Variants in INPP4B observed in about 807,000 individuals in gnomAD.
INPP4B encodes the protein inositol polyphosphate 4-phosphatase type II.
Under a neutral mutation model 122.5 loss-of-function variants are expected in INPP4B, and 55 were observed. The ratio of observed to expected loss-of-function variants is 0.45; its 90% CI spans 0.36 to 0.56. The LOEUF (loss-of-function observed/expected upper bound fraction) is 0.56, where lower values mean the gene tolerates loss of function less well. Ranked by LOEUF, INPP4B falls within the 20% of genes least tolerant of loss-of-function variation. INPP4B has a pLI of 0.00. For missense variants in INPP4B, 1,000 were observed against 1,097.7 expected (o/e 0.91, Z 1.26); for synonymous variants, 403 against 388.7 (o/e 1.04, Z -0.43).
intron 2 of INPP4B, among the ~76,000 whole-genome samples, chr4:142,514,755 A>G (rs989189873): frequency 6.7e-6 from 1 of 149,346 alleles, no homozygotes; most frequent in African/African-American, 2.5e-5. Context: ...TGAGAAAGAG[A>G]GGTATACACT....
At chr4:142,403,165 G>A (rs1802206282) in intron 6 of INPP4B, 111 bp from the exon 7 acceptor site, 1 of 709,376 alleles carries the variant, frequency 1.4e-6, no homozygotes, top group South Asian at 1.6e-5. Context: ...GTTTTTCAAG[G>A]AAATAGTTCT....
intron 3 of INPP4B, 124 bp downstream of exon 3, chr4:142,462,539 T>C (rs1332905862): frequency 2.0e-5 from 3 of 152,226 alleles, no homozygotes; most frequent in African/African-American, 4.8e-5. Flanking sequence ...TAACATGCAG[T>C]CACACATATG....
intron 7 of INPP4B, chr4:142,384,261 T>C: frequency 1.6e-6 from 1 of 627,888 alleles, no homozygotes; most frequent in Non-Finnish European, 2.9e-6. Flanking sequence ...ACAACTTCAC[T>C]AAATTACATT....
chr4:142,773,252 G>A (rs1410828052), intron 1 of INPP4B, among the ~76,000 whole-genome samples: 4 of 152,040 alleles, frequency 2.6e-5, no homozygotes, highest in Non-Finnish European at 4.4e-5. Flanking sequence ...TAGAACTCTA[G>A]TGTGGCACAA....
intron 1 of INPP4B, among the ~76,000 whole-genome samples, chr4:142,823,387 C>T (rs561105920): frequency 2.0e-5 from 3 of 152,162 alleles, no homozygotes; most frequent in South Asian, 4.2e-4. Context: ...ACTTCCAAAG[C>T]ATCTGAAATA....
chr4:142,309,926 A>T (rs2172021), intron 8 of INPP4B, among the ~76,000 whole-genome samples: 72,688 of 152,018 alleles, frequency 0.48, 17,488 homozygotes, highest in East Asian at 0.71. Context: ...GTAACCCACC[A>T]GCCCCTGCAG....
intron 1 of INPP4B, among the ~76,000 whole-genome samples, chr4:142,784,230 G>T (rs746207366): frequency 1.4e-4 from 22 of 151,956 alleles, no homozygotes; most frequent in Non-Finnish European, 2.9e-4. Context: ...GGGCGTGGTG[G>T]CATGTGCCTG....
chr4:142,239,511 T>C (rs192503936), intron 11 of INPP4B, among the ~76,000 whole-genome samples: 1 of 152,204 alleles, frequency 6.6e-6, no homozygotes, highest in Non-Finnish European at 1.5e-5. Context: ...GAGTTCATTA[T>C]CTTTACTTTC....
chr4:142,093,271 C>T (rs1050953235), intron 23 of INPP4B, among the ~76,000 whole-genome samples: 1 of 152,094 alleles, frequency 6.6e-6, no homozygotes, highest in Admixed American at 6.6e-5. Context: ...CAGTTCTCAG[C>T]CCCCAGGTAT....
chr4:142,250,955 T>C (rs1389939646), intron 11 of INPP4B, among the ~76,000 whole-genome samples: 3 of 152,244 alleles, frequency 2.0e-5, no homozygotes, highest in African/African-American at 4.8e-5. Context: ...TTTATGTCAG[T>C]AGTTTTTGTC....
At chr4:142,299,173 G>GTTTTTT (rs780746455) in intron 9 of INPP4B, among the ~76,000 whole-genome samples, 1 of 143,476 alleles carries the variant, frequency 7.0e-6, no homozygotes, top group African/African-American at 2.7e-5. Flanking sequence ...TTTTTTTGGG[G>GTTTTTT]GGGAGACAGA....
At chr4:142,416,273 A>G (rs944527027) in intron 5 of INPP4B, among the ~76,000 whole-genome samples, 11 of 152,108 alleles carry the variant, frequency 7.2e-5, no homozygotes, top group Non-Finnish European at 1.6e-4. Flanking sequence ...GGCAGGAGGT[A>G]GCAAGCCGAC....
intron 12 of INPP4B, among the ~76,000 whole-genome samples, chr4:142,234,087 TAAAAC>T: frequency 6.6e-6 from 1 of 152,308 alleles, no homozygotes; most frequent in African/African-American, 2.4e-5. Context: ...ATGTAAAAGA[TAAAAC>T]AAAACTGTAG....
intron 2 of INPP4B, among the ~76,000 whole-genome samples, chr4:142,647,518 G>GCCCAA: frequency 6.6e-6 from 1 of 152,170 alleles, no homozygotes; most frequent in Non-Finnish European, 1.5e-5. Context: ...CCACCACAAT[G>GCCCAA]GTGCCTAACG....
In INPP4B at chr4:142,681,659, T is replaced by G. The variant is rs555124872; in HGVS notation, c.-191+44180A>C. On this transcript the variant is annotated intron_variant, in intron 2 of 25. Transcript: ENST00000262992. The stretch of plus-strand genomic sequence containing the variant: ...AACGAAAACCAAAAGGTTTTCAAGG[T>G]AGTGGATGCCTGCAAACGCCAAAGA... 7.9e-5 allele frequency among the ~76,000 whole-genome samples: 12 copies of G among 151,738 alleles called. No individual in the cohort carries two copies. The East Asian group carries it at 2.3e-3, about 30-fold the overall frequency.
chr4:142,288,379 T>TA (rs1394527150), intron 9 of INPP4B, among the ~76,000 whole-genome samples: 1 of 152,166 alleles, frequency 6.6e-6, no homozygotes, highest in Non-Finnish European at 1.5e-5. Context: ...GGTCAGCAGA[T>TA]AGAGACCATC....
chr4:142,554,061 C>T (rs899213434), intron 2 of INPP4B, among the ~76,000 whole-genome samples: 12 of 151,706 alleles, frequency 7.9e-5, no homozygotes, highest in African/African-American at 1.2e-4. Context: ...TGGTGGCCAG[C>T]GCCTGTAATC....
intron 2 of INPP4B, among the ~76,000 whole-genome samples, chr4:142,570,253 A>T (rs539338189): frequency 1.3e-5 from 2 of 152,148 alleles, no homozygotes; most frequent in African/African-American, 4.8e-5. Flanking sequence ...ATATCCCAAG[A>T]GCCTCATATT....
At chr4:142,714,605 G>C (rs1466431973) in intron 2 of INPP4B, among the ~76,000 whole-genome samples, 1 of 152,068 alleles carries the variant, frequency 6.6e-6, no homozygotes, top group African/African-American at 2.4e-5. Context: ...ATTTGTTTTT[G>C]CTTTTCTCTT....
Sources: gnomAD v4.1 joint callset for allele counts (sites outside exome capture counted in the v4.1 genomes callset) on GRCh38, gnomAD v4.1.1 for gene constraint, MANE v1.5 for transcripts, NCBI Gene and HGNC (gene_info 2026-07-23, HGNC 2026-07-21) for gene names.